ARFGEF1: variants seen among roughly 807,000 people sequenced by gnomAD.
ARFGEF1 encodes brefeldin A-inhibited guanine nucleotide-exchange protein 1.
A neutral mutation model predicts 231.0 loss-of-function variants in ARFGEF1; 42 were observed. The observed-to-expected ratio is 0.18, with a 90% confidence interval of 0.14 to 0.24. ARFGEF1 has a LOEUF of 0.24. Ranked by LOEUF, ARFGEF1 falls within the 10% of genes least tolerant of loss-of-function variation. The pLI, the probability that ARFGEF1 is intolerant of heterozygous loss-of-function variation, is 1.00. For missense variants in ARFGEF1, 1,345 were observed against 2,192.0 expected, an observed-to-expected ratio of 0.61 and a Z score of 7.72; for synonymous variants, 710 against 732.3, an observed-to-expected ratio of 0.97 and a Z score of 0.49.
At chr8:67,251,186 T>G (rs1840273315) in intron 19 of ARFGEF1, 113 bp downstream of exon 19, 1 of 975,568 alleles carries the variant, frequency 1.0e-6, no homozygotes, top group Non-Finnish European at 1.4e-6. Context: ...TTCACCTCAA[T>G]ATGTCTACAC....
chr8:67,299,155 T>G (rs1183154312), intron 4 of ARFGEF1, 54 bp downstream of exon 4: 1 of 1,428,694 alleles, frequency 7.0e-7, no homozygotes, highest in Non-Finnish European at 9.3e-7. Flanking sequence ...GAAAGGCATC[T>G]GAATTTTGAA....
chr8:67,260,734 G>C (rs1643917790), intron 14 of ARFGEF1, among the ~76,000 whole-genome samples: 1 of 152,120 alleles, frequency 6.6e-6, no homozygotes. Flanking sequence ...TAAAAAACTA[G>C]AAATAATTGA....
At chr8:67,186,144 A>G (rs1411800745) in intron 5 of ARFGEF1, among the ~76,000 whole-genome samples, 1 of 152,176 alleles carries the variant, frequency 6.6e-6, no homozygotes. Flanking sequence ...ATTTTCCATC[A>G]TTTCATTTCT....
intron 5 of ARFGEF1, among the ~76,000 whole-genome samples, chr8:67,293,887 T>C (rs144178954): frequency 2.2e-4 from 33 of 152,278 alleles, no homozygotes; most frequent in African/African-American, 7.7e-4. Flanking sequence ...AGTAGACCTT[T>C]TGTACAGCTC....
intron 22 of ARFGEF1, among the ~76,000 whole-genome samples, chr8:67,233,594 C>T (rs189829127): frequency 1.3e-5 from 2 of 151,870 alleles, no homozygotes; most frequent in Non-Finnish European, 2.9e-5. Context: ...ATTTCCATTC[C>T]TACCTAGTTC....
rs769168664 is a variant in ARFGEF1 at position 67,299,300 on chromosome 8, C to T, written c.368G>A (p.Gly123Asp). 3.7e-6 allele frequency: 6 copies of T among 1,611,552 alleles called. No homozygotes were observed. Among genetic ancestry groups the T allele is most frequent in the Non-Finnish European group, 5.1e-6 (6 of 1,178,640 alleles). Residue 123 changes from glycine (G) to aspartate (D), a missense_variant, in exon 4 of 39, where the codon GGC becomes GAC. Gly to Asp is a moderately conservative substitution (Grantham distance 94). This residue lies in a region of ARFGEF1 where 398 missense variants were observed against 463.2 expected (regional missense o/e 0.86). Transcript: ENST00000262215. ...AATAATTCTATCAATTAATTTTTTG[C>T]CTGGTGTTGTACTATCTGGAGCATT... ...TGNAPDSTTP[G>D]KKLIDRIIET...
At chr8:67,314,654 A>AG (rs34201336) in intron 1 of ARFGEF1, among the ~76,000 whole-genome samples, 50,103 of 151,716 alleles carry the variant, frequency 0.33, 8,677 homozygotes, top group African/African-American at 0.43. Context: ...CGGGTCCTGC[A>AG]AAGCAGTCCA....
chr8:67,308,840 G>GT (rs1479541657), intron 1 of ARFGEF1, among the ~76,000 whole-genome samples: 2 of 151,824 alleles, frequency 1.3e-5, no homozygotes, highest in Non-Finnish European at 2.9e-5. Flanking sequence ...AGGTGTTTTG[G>GT]TATGTTTTTA....
intron 1 of ARFGEF1, among the ~76,000 whole-genome samples, chr8:67,333,405 C>T (rs1052681527): frequency 6.6e-6 from 1 of 151,550 alleles, no homozygotes; most frequent in African/African-American, 2.4e-5. Context: ...TCACAGCTCA[C>T]TGCAGCCTCA....
chr8:67,206,597 C>A (rs187713884), intron 34 of ARFGEF1, among the ~76,000 whole-genome samples: 5 of 152,208 alleles, frequency 3.3e-5, no homozygotes, highest in African/African-American at 9.6e-5. Context: ...GACACACTCA[C>A]GGGCGTGCTC....
chr8:67,217,947 A>T lies in ARFGEF1; in HGVS notation c.4475-27T>A, dbSNP rs756012318. ...TAGGAAAGAAAAGAGCAATTCATTTATATATTACCAGGGTCACATTTAACA... is the reference window on the plus strand; with the variant it reads ...TAGGAAAGAAAAGAGCAATTCATTTTTATATTACCAGGGTCACATTTAACA... On this transcript the variant is annotated intron_variant, in intron 31 of 38. Coordinates refer to ENST00000262215, the MANE Select transcript of ARFGEF1 (RefSeq NM_006421.5). 8.7e-5 allele frequency: 141 copies of T among 1,612,786 alleles called. No homozygotes were observed. The Admixed American group carries it at 2.3e-3, about 27-fold the overall frequency.
intron 1 of ARFGEF1, among the ~76,000 whole-genome samples, chr8:67,327,673 G>A (rs1256159678): frequency 6.6e-6 from 1 of 152,128 alleles, no homozygotes; most frequent in African/African-American, 2.4e-5. Flanking sequence ...TCTACCACAA[G>A]ACAGTAAAAC....
At chr8:67,292,454 T>C (rs1167478217) in intron 5 of ARFGEF1, among the ~76,000 whole-genome samples, 1 of 152,028 alleles carries the variant, frequency 6.6e-6, no homozygotes, top group East Asian at 1.9e-4. Context: ...CATAAGAAGC[T>C]AGTACTAACA....
intron 19 of ARFGEF1, among the ~76,000 whole-genome samples, chr8:67,248,488 T>C (rs1197658020): frequency 1.3e-5 from 2 of 150,068 alleles, no homozygotes; most frequent in Admixed American, 1.3e-4. Flanking sequence ...AAAAATCAGA[T>C]CAAAATGGAT....
chr8:67,219,127 C>T (rs546008209), intron 30 of ARFGEF1, among the ~76,000 whole-genome samples: 402 of 152,196 alleles, frequency 2.6e-3, no homozygotes, highest in Non-Finnish European at 3.8e-3. Context: ...CCACCACACC[C>T]GGATAATTTT....
chr8:67,202,248 A>G (rs1337280218), intron 36 of ARFGEF1, among the ~76,000 whole-genome samples: 1 of 151,604 alleles, frequency 6.6e-6, no homozygotes, highest in Non-Finnish European at 1.5e-5. Context: ...TCATAATTAT[A>G]TTTCTTTCTT....
intron 33 of ARFGEF1, among the ~76,000 whole-genome samples, chr8:67,212,013 T>C (rs1838768771): frequency 6.6e-6 from 1 of 152,130 alleles, no homozygotes; most frequent in African/African-American, 2.4e-5. Flanking sequence ...TCTAGGAGTG[T>C]CGTATCATGA....
intron 6 of ARFGEF1, among the ~76,000 whole-genome samples, chr8:67,290,996 C>T (rs932959844): frequency 5.3e-5 from 8 of 151,740 alleles, no homozygotes; most frequent in Admixed American, 3.3e-4. Context: ...AAACATATTA[C>T]AGAAATCCTT....
At chr8:67,313,659 T>C (rs1375672081) in intron 1 of ARFGEF1, among the ~76,000 whole-genome samples, 1 of 152,100 alleles carries the variant, frequency 6.6e-6, no homozygotes, top group Non-Finnish European at 1.5e-5. Flanking sequence ...CCAGTTCTGG[T>C]AGAGGTGGCG....
Sources: allele counts gnomAD v4.1 joint callset (sites outside exome capture counted in the v4.1 genomes callset), GRCh38; gene constraint gnomAD v4.1.1; regional missense constraint gnomAD v4.1.1; transcripts MANE v1.5; gene names NCBI Gene and HGNC (gene_info 2026-07-23, HGNC 2026-07-21).